SCN2A: variants seen among roughly 807,000 people sequenced by gnomAD.
SCN2A encodes sodium voltage-gated channel alpha subunit 2.
SCN2A carries 20 observed loss-of-function variants against 188.7 expected under a neutral mutation model. That is an observed-to-expected ratio of 0.11 (90% CI 0.07 to 0.15). The LOEUF (loss-of-function observed/expected upper bound fraction) is 0.15, where lower values mean the gene tolerates loss of function less well. SCN2A is among the 10% of genes least tolerant of loss of function. The pLI, the probability that SCN2A is intolerant of heterozygous loss-of-function variation, is 1.00. For missense variants in SCN2A, 1,278 were observed against 2,445.0 expected (o/e 0.52, Z 10.07); for synonymous variants, 804 against 833.1 (o/e 0.97, Z 0.60).
chr2:165,256,733 T>C (rs1694343055), intron 1 of SCN2A, among the ~76,000 whole-genome samples: 2 of 152,210 alleles, frequency 1.3e-5, no homozygotes, highest in African/African-American at 4.8e-5. Flanking sequence ...TCAGAGTATA[T>C]CCTAAAATTA....
chr2:165,289,663 C>T (rs1213604313), intron 1 of SCN2A, among the ~76,000 whole-genome samples: 1 of 152,076 alleles, frequency 6.6e-6, no homozygotes, highest in Non-Finnish European at 1.5e-5. Context: ...TTTCTGAAAA[C>T]CTTATCCTGG....
intron 1 of SCN2A, among the ~76,000 whole-genome samples, chr2:165,248,002 T>C (rs1377296519): frequency 6.6e-6 from 1 of 152,086 alleles, no homozygotes; most frequent in African/African-American, 2.4e-5. Flanking sequence ...TTTTCTCTTA[T>C]ATCTGACATT....
intron 14 of SCN2A, among the ~76,000 whole-genome samples, chr2:165,335,899 C>T (rs1224317981): frequency 6.6e-6 from 1 of 151,614 alleles, no homozygotes; most frequent in Non-Finnish European, 1.5e-5. Flanking sequence ...AACTCCACAA[C>T]AAATAAAATA....
chr2:165,365,882 G>A (rs1700700852), intron 18 of SCN2A, among the ~76,000 whole-genome samples: 2 of 152,118 alleles, frequency 1.3e-5, no homozygotes, highest in Non-Finnish European at 2.9e-5. Context: ...TCTGAAGAAA[G>A]CTAAAATTAT....
At chr2:165,318,921 C>T (rs1284798192) in intron 11 of SCN2A, among the ~76,000 whole-genome samples, 1 of 152,118 alleles carries the variant, frequency 6.6e-6, no homozygotes, top group Non-Finnish European at 1.5e-5. Context: ...TAAAAAATAA[C>T]TACTTGTATG....
At chr2:165,379,200 C>G (rs1409406255) in intron 23 of SCN2A, among the ~76,000 whole-genome samples, 1 of 151,378 alleles carries the variant, frequency 6.6e-6, no homozygotes, top group African/African-American at 2.4e-5. Flanking sequence ...CTGGGAGCAA[C>G]TCAAAAACAG....
intron 14 of SCN2A, among the ~76,000 whole-genome samples, chr2:165,339,976 A>T (rs184753223): frequency 6.6e-6 from 1 of 152,378 alleles, no homozygotes; most frequent in Admixed American, 6.5e-5. Flanking sequence ...TGCTGAGTTC[A>T]TAAATAGATC....
intron 1 of SCN2A, among the ~76,000 whole-genome samples, chr2:165,260,044 C>T (rs1426185511): frequency 1.3e-5 from 2 of 150,558 alleles, no homozygotes; most frequent in African/African-American, 2.5e-5. Context: ...TCTGGGTTCC[C>T]GCCATTCTCC....
intron 22 of SCN2A, among the ~76,000 whole-genome samples, chr2:165,376,733 T>G (rs1482942499): frequency 6.6e-6 from 1 of 151,954 alleles, no homozygotes; most frequent in African/African-American, 2.4e-5. Context: ...TCCACACGCG[T>G]GTGTGTAGAT....
chr2:165,327,281 G>A (rs1164695164), intron 13 of SCN2A: 2 of 379,128 alleles, frequency 5.3e-6, no homozygotes, highest in African/African-American at 2.1e-5. Flanking sequence ...AGAGTGTAAT[G>A]ATAAATGCTT....
At chr2:165,240,176 A>G (rs1355597928) in intron 1 of SCN2A, 1 of 152,166 alleles carries the variant, frequency 6.6e-6, no homozygotes, top group African/African-American at 2.4e-5. Context: ...TCCCACATGA[A>G]TCAAGATTTA....
At chr2:165,356,756 C>T (rs910943757) in intron 17 of SCN2A, among the ~76,000 whole-genome samples, 3 of 152,174 alleles carry the variant, frequency 2.0e-5, no homozygotes, top group South Asian at 2.1e-4. Flanking sequence ...TCCAAAAGAG[C>T]GTGTATTTTG....
intron 12 of SCN2A, 38 bp downstream of exon 12, chr2:165,323,538 T>C (rs929125655): frequency 2.6e-6 from 4 of 1,546,332 alleles, no homozygotes; most frequent in South Asian, 1.2e-5. Flanking sequence ...GTGAAGAGAG[T>C]TGTGACTGGT....
chr2:165,275,659 A>C (rs1057168029), intron 1 of SCN2A, among the ~76,000 whole-genome samples: 3 of 152,134 alleles, frequency 2.0e-5, no homozygotes, highest in African/African-American at 7.2e-5. Flanking sequence ...GTACAGTGCT[A>C]TATGTAAGAG....
intron 14 of SCN2A, among the ~76,000 whole-genome samples, chr2:165,338,783 T>C (rs1038743600): frequency 2.8e-4 from 42 of 152,222 alleles, no homozygotes; most frequent in African/African-American, 9.9e-4. Flanking sequence ...CCATATTACC[T>C]CTAAAAGAAT....
At chr2:165,265,768 A>T (rs1006935269) in intron 1 of SCN2A, among the ~76,000 whole-genome samples, 1 of 150,898 alleles carries the variant, frequency 6.6e-6, no homozygotes, top group African/African-American at 2.4e-5. Flanking sequence ...ATAAGGAAAA[A>T]ATATTATTAT....
At chr2:165,259,376 T>C (rs1396664295) in intron 1 of SCN2A, among the ~76,000 whole-genome samples, 2 of 152,196 alleles carry the variant, frequency 1.3e-5, no homozygotes, top group Non-Finnish European at 2.9e-5. Context: ...ACTCATATTT[T>C]CATGAAAGAT....
chr2:165,375,489 C>T (rs2105374462), intron 22 of SCN2A, among the ~76,000 whole-genome samples: 1 of 151,746 alleles, frequency 6.6e-6, no homozygotes, highest in East Asian at 1.9e-4. Flanking sequence ...CATATATAGA[C>T]ATACACAGAA....
intron 22 of SCN2A, 102 bp downstream of exon 22, chr2:165,375,068 A>G: frequency 1.0e-6 from 1 of 1,003,126 alleles, no homozygotes; most frequent in Non-Finnish European, 1.5e-6. Context: ...GGCTATTATC[A>G]AACAGATAAA....
Sources: allele counts gnomAD v4.1 joint callset (sites outside exome capture counted in the v4.1 genomes callset), GRCh38; gene constraint gnomAD v4.1.1; transcripts MANE v1.5; gene names NCBI Gene and HGNC (gene_info 2026-07-23, HGNC 2026-07-21).